The following ASTN2 variants were observed in gnomAD, a reference collection of about 807,000 sequenced individuals.
The protein encoded by ASTN2 is astrotactin-2.
ASTN2 carries 54 observed loss-of-function variants against 139.8 expected under a neutral mutation model. That is an observed-to-expected ratio of 0.39 (90% confidence interval 0.31 to 0.48). The LOEUF (loss-of-function observed/expected upper bound fraction) is 0.48, where lower values mean the gene tolerates loss of function less well. ASTN2 is among the 20% of genes least tolerant of loss of function. The pLI, the probability that ASTN2 is intolerant of heterozygous loss-of-function variation, is 0.95. For missense variants in ASTN2, 1,565 were observed against 1,725.1 expected (o/e 0.91, Z 1.64); for synonymous variants, 756 against 719.5 (o/e 1.05, Z -0.81).
At chr9:117,087,946 G>T (rs1019777838) in intron 5 of ASTN2, among the ~76,000 whole-genome samples, 4 of 152,176 alleles carry the variant, frequency 2.6e-5, no homozygotes, top group African/African-American at 9.7e-5. Context: ...GATAAGAAGA[G>T]TACAAAGAAT....
chr9:117,220,221 G>A (rs1832468726), intron 2 of ASTN2, among the ~76,000 whole-genome samples: 1 of 151,936 alleles, frequency 6.6e-6, no homozygotes, highest in African/African-American at 2.4e-5. Flanking sequence ...GGCTTCCTGG[G>A]GTCCTTAAAA....
chr9:117,148,704 A>G (rs888572004), intron 3 of ASTN2, among the ~76,000 whole-genome samples: 1 of 152,210 alleles, frequency 6.6e-6, no homozygotes, highest in East Asian at 1.9e-4. Context: ...TTGGCCAAAC[A>G]TTATTCTAGA....
intron 19 of ASTN2, among the ~76,000 whole-genome samples, chr9:116,564,673 G>C (rs1853093312): frequency 1.3e-5 from 2 of 152,166 alleles, no homozygotes; most frequent in Admixed American, 1.3e-4. Flanking sequence ...CCCAGTGCTT[G>C]TGAAAGGATT....
At chr9:117,369,973 G>A (rs1392096822) in intron 1 of ASTN2, among the ~76,000 whole-genome samples, 2 of 152,046 alleles carry the variant, frequency 1.3e-5, no homozygotes, top group Non-Finnish European at 1.5e-5. Flanking sequence ...ATTCATATTT[G>A]TCATGGCACG....
intron 10 of ASTN2, among the ~76,000 whole-genome samples, chr9:116,928,304 T>C (rs900340787): frequency 6.6e-6 from 1 of 152,194 alleles, no homozygotes; most frequent in Non-Finnish European, 1.5e-5. Context: ...TCAGCTGTGA[T>C]TGACACCAAA....
chr9:116,439,984 T>C (rs1007525953), intron 22 of ASTN2, among the ~76,000 whole-genome samples: 24 of 152,208 alleles, frequency 1.6e-4, no homozygotes, highest in African/African-American at 5.3e-4. Flanking sequence ...AATGGATGAA[T>C]GTTGCTAGAT....
intron 5 of ASTN2, among the ~76,000 whole-genome samples, chr9:117,087,985 TG>T (rs777124151): frequency 3.9e-5 from 6 of 152,240 alleles, no homozygotes; most frequent in Admixed American, 1.3e-4. Context: ...TAGCTTCACC[TG>T]TTGTTAACAT....
chr9:116,685,375 T>C (rs1390660279), intron 16 of ASTN2, among the ~76,000 whole-genome samples: 3 of 152,180 alleles, frequency 2.0e-5, no homozygotes, highest in Admixed American at 2.0e-4. Context: ...TGAGTAATCA[T>C]AAAACTCCAG....
At chr9:116,687,398 A>T in intron 16 of ASTN2, 10 of 104,432 alleles carry the variant, frequency 9.6e-5, no homozygotes, top group Non-Finnish European at 9.5e-5. Context: ...GGCGGGAAGG[A>T]GGGTTGGGGA....
intron 2 of ASTN2, among the ~76,000 whole-genome samples, chr9:117,236,499 G>A (rs1372946211): frequency 6.6e-6 from 1 of 152,202 alleles, no homozygotes; most frequent in Non-Finnish European, 1.5e-5. Flanking sequence ...AGCTCAGGGT[G>A]GGATGTAGGA....
In ASTN2 at chr9:116,424,913, T is replaced by C. The variant is rs1478935138; in HGVS notation, c.*938A>G. Among the ~76,000 whole-genome samples, 2 of 152,116 alleles carry C rather than the reference T, an allele frequency of 1.3e-5. No homozygotes were observed. The highest frequency in any genetic ancestry group is 4.8e-5 in the African/African-American group (2 of 41,450). Reference sequence around the variant, plus strand: ...AAGCAAATCCCATCTTTTTCACCTCTCTGTCTGGCTTATTTCTACTCATCC... The same window carrying C: ...AAGCAAATCCCATCTTTTTCACCTCCCTGTCTGGCTTATTTCTACTCATCC... On this transcript the variant is annotated 3_prime_UTR_variant, in exon 23 of 23. Coordinates refer to ENST00000313400, the MANE Select transcript of ASTN2 (RefSeq NM_001365068.1).
intron 1 of ASTN2, among the ~76,000 whole-genome samples, chr9:117,400,919 T>A (rs1216030108): frequency 6.6e-6 from 1 of 152,168 alleles, no homozygotes; most frequent in Non-Finnish European, 1.5e-5. Context: ...CTGGGTTCCA[T>A]GAGATCTTTA....
intron 1 of ASTN2, among the ~76,000 whole-genome samples, chr9:117,313,008 G>C (rs149660540): frequency 3.7e-4 from 56 of 152,292 alleles, no homozygotes; most frequent in African/African-American, 1.3e-3. Context: ...TATTTACACG[G>C]CTTCACTTTT....
At chr9:117,106,973 T>A (rs1829123196) in intron 4 of ASTN2, among the ~76,000 whole-genome samples, 1 of 152,218 alleles carries the variant, frequency 6.6e-6, no homozygotes, top group African/African-American at 2.4e-5. Flanking sequence ...CATGTATCTA[T>A]ACCTACATAT....
intron 10 of ASTN2, among the ~76,000 whole-genome samples, chr9:116,899,448 T>A (rs1206257664): frequency 6.6e-6 from 1 of 152,188 alleles, no homozygotes; most frequent in Non-Finnish European, 1.5e-5. Flanking sequence ...CCTTCATGAA[T>A]AAATTTCCTC....
intron 1 of ASTN2, among the ~76,000 whole-genome samples, chr9:117,370,365 C>T (rs1829957152): frequency 2.0e-5 from 3 of 152,142 alleles, no homozygotes; most frequent in South Asian, 4.1e-4. Flanking sequence ...AGCAATGCCT[C>T]GGTGAACACC....
intron 12 of ASTN2, among the ~76,000 whole-genome samples, chr9:116,810,434 C>T (rs766303804): frequency 2.6e-5 from 4 of 152,124 alleles, no homozygotes; most frequent in Non-Finnish European, 5.9e-5. Context: ...CTCTGTACCG[C>T]CTTTGCTTAT....
intron 1 of ASTN2, among the ~76,000 whole-genome samples, chr9:117,353,319 A>C (rs2130883664): frequency 6.6e-6 from 1 of 152,294 alleles, no homozygotes; most frequent in East Asian, 1.9e-4. Flanking sequence ...GGTGCTGTCC[A>C]ATAGAACTTT....
At chr9:117,358,010 G>A (rs1446320538) in intron 1 of ASTN2, among the ~76,000 whole-genome samples, 7 of 152,126 alleles carry the variant, frequency 4.6e-5, no homozygotes, top group African/African-American at 1.4e-4. Context: ...ATTTGTATAT[G>A]TAAAGTTGAA....
Sources: gnomAD v4.1 joint callset for allele counts (sites outside exome capture counted in the v4.1 genomes callset) on GRCh38, gnomAD v4.1.1 for gene constraint, MANE v1.5 for transcripts, NCBI Gene and HGNC (gene_info 2026-07-23, HGNC 2026-07-21) for gene names.